PFKFB2: variants seen among roughly 807,000 people sequenced by gnomAD.
The protein encoded by PFKFB2 is 6-phosphofructo-2-kinase/fructose-2,6-biphosphatase 2, also known as 6-phosphofructo-2-kinase/fructose-2,6-bisphosphatase 2.
In PFKFB2, 53 loss-of-function variants were observed where a neutral mutation model predicts 68.0. The observed-to-expected ratio is 0.78, with a 90% CI of 0.63 to 0.98. PFKFB2 has a LOEUF of 0.98. Ranked by LOEUF, PFKFB2 falls within the 50% of genes least tolerant of loss-of-function variation. The pLI is 0.00. For missense variants in PFKFB2, 451 were observed against 642.0 expected, an observed-to-expected ratio of 0.70 and a Z score of 3.22; for synonymous variants, 222 against 227.6, an observed-to-expected ratio of 0.98 and a Z score of 0.22.
At chr1:207,051,216 C>T (rs1572711938), upstream of PFKFB2, 1 of 1,180,658 alleles carries the variant, frequency 8.5e-7, no homozygotes, top group Non-Finnish European at 1.1e-6. Flanking sequence ...AGTGAGGTGC[C>T]CTCCGCGTGG....
chr1:207,052,137 C>A, upstream of PFKFB2: 1 of 1,575,062 alleles, frequency 6.3e-7, no homozygotes, highest in Non-Finnish European at 8.7e-7. Flanking sequence ...ATCAAACGGG[C>A]CCGCTGGGGC....
chr1:207,070,504 C>T lies in PFKFB2; in HGVS notation c.1222+95C>T. The T allele has an allele frequency of 7.1e-7, 1 of 1,400,814 alleles. No individual in the cohort carries two copies. The highest frequency in any genetic ancestry group is 1.3e-5 in the South Asian group (1 of 76,326). 86.8% of individuals were successfully genotyped at this position (1,400,814 alleles called of 1,614,324 possible). ...TCCTGGGAAACAGACCTCCCTGTCTCCACTCAAATTAGAGTACTTTCTCCA... is the reference window on the plus strand; with the variant it reads ...TCCTGGGAAACAGACCTCCCTGTCTTCACTCAAATTAGAGTACTTTCTCCA... On this transcript the variant is annotated intron_variant, in intron 12 of 14. Coordinates refer to ENST00000367080, the MANE Select transcript of PFKFB2 (RefSeq NM_006212.2). This position sits in a 1 kb window ranked among gnomAD's most constrained non-coding sequence, Gnocchi z 4.2.
At chr1:207,040,796 G>T (rs969858272) in intron 1 of PFKFB2, among the ~76,000 whole-genome samples, 2 of 151,900 alleles carry the variant, frequency 1.3e-5, no homozygotes, top group African/African-American at 4.8e-5. Flanking sequence ...TACATGTCCT[G>T]CTTTGTAGCC....
In PFKFB2 at chr1:207,063,207, G is replaced by A. The variant is rs1482035051; in HGVS notation, c.373G>A (p.Ala125Thr). ...AYLTEENGQI[A>T]VFDATNTTRE... ...TCTCACTGAGGAGAATGGTCAGATT[G>A]CGGTAAGCTTTATCTGCTGCTTCTT... The change falls in exon 5 of 15, where the codon GCG becomes ACG. Residue 125 changes from alanine (A) to threonine (T), a missense_variant and splice_region_variant. Ala to Thr is a moderately conservative substitution (Grantham distance 58). Transcript: ENST00000367080. The surrounding 1 kb of genome is among the most constrained non-coding windows in gnomAD (Gnocchi z 4.1). The A allele has an allele frequency of 1.9e-6, 3 of 1,613,048 alleles. No individual in the cohort carries two copies. The African/African-American group carries it at 4.0e-5, about 22-fold the overall frequency.
intron 8 of PFKFB2, among the ~76,000 whole-genome samples, chr1:207,066,731 C>T (rs550231042): frequency 3.3e-5 from 5 of 152,236 alleles, no homozygotes; most frequent in African/African-American, 1.2e-4. Flanking sequence ...CGGCTCACTG[C>T]AACCTCCCCC....
intron 8 of PFKFB2, chr1:207,065,384 T>C: frequency 2.4e-6 from 2 of 836,942 alleles, no homozygotes; most frequent in Non-Finnish European, 2.9e-6. Context: ...AGGGTCTCAC[T>C]CTGTCACCCA....
At chr1:207,061,163 CTT>C (rs1558059679) in intron 2 of PFKFB2, among the ~76,000 whole-genome samples, 3 of 42,264 alleles carry the variant, frequency 7.1e-5, no homozygotes, top group African/African-American at 3.5e-4. Context: ...TTATATATAT[CTT>C]TATATATATA....
At chr1:207,064,253 C>G (rs2102353951) in intron 7 of PFKFB2, among the ~76,000 whole-genome samples, 1 of 152,048 alleles carries the variant, frequency 6.6e-6, no homozygotes, top group East Asian at 1.9e-4. Flanking sequence ...ATCACCTTAG[C>G]CTGGGAGGTT....
At chr1:207,035,266 C>G (rs1037950617) in intron 1 of PFKFB2, 3 of 901,498 alleles carry the variant, frequency 3.3e-6, no homozygotes, top group South Asian at 5.1e-5. Flanking sequence ...AACCTCCCCA[C>G]TTAGGCACCT....
At chr1:207,061,089 ATATATATC>A (rs1221750730) in intron 2 of PFKFB2, among the ~76,000 whole-genome samples, 2 of 119,292 alleles carry the variant, frequency 1.7e-5, no homozygotes, top group Non-Finnish European at 3.3e-5. Context: ...ATATATCTTT[ATATATATC>A]TTTATATATA....
chr1:207,068,898 C>T (rs1683384676), intron 10 of PFKFB2, among the ~76,000 whole-genome samples: 1 of 152,052 alleles, frequency 6.6e-6, no homozygotes, highest in Admixed American at 6.5e-5. Context: ...AGGCACCTGC[C>T]ACCACGCCTG....
At chr1:207,078,982 G>A, downstream of PFKFB2, 1 of 1,612,418 alleles carries the variant, frequency 6.2e-7, no homozygotes, top group Non-Finnish European at 8.5e-7. Context: ...GCTGTGCGCA[G>A]ACGCCCCTCC....
At chr1:207,065,230 T>G in intron 8 of PFKFB2, 70 bp downstream of exon 8, 1 of 1,582,826 alleles carries the variant, frequency 6.3e-7, no homozygotes, top group South Asian at 1.2e-5. Flanking sequence ...CCTTTCTCCC[T>G]GAGTTCTCTA....
At chr1:207,061,728 A>T (rs1406737263) in intron 2 of PFKFB2, among the ~76,000 whole-genome samples, 3 of 152,124 alleles carry the variant, frequency 2.0e-5, no homozygotes, top group African/African-American at 7.2e-5. Flanking sequence ...CTGAAAATAC[A>T]AAAATTAGCT....
At chr1:207,061,184 TATATATATATATATA>T (rs1683103501) in intron 2 of PFKFB2, among the ~76,000 whole-genome samples, 1 of 109,422 alleles carries the variant, frequency 9.1e-6, no homozygotes, top group Admixed American at 9.8e-5. Flanking sequence ...TATATATATA[TATATATATATATATA>T]TATTTTAAGA....
At chr1:207,061,705 A>G (rs1157505519) in intron 2 of PFKFB2, among the ~76,000 whole-genome samples, 4 of 152,114 alleles carry the variant, frequency 2.6e-5, no homozygotes. Context: ...AACATGGTGA[A>G]ACCCCATCTC....
chr1:207,071,471 C>G (rs556184006), intron 13 of PFKFB2, 38 bp from the exon 14 acceptor site: 1 of 1,560,470 alleles, frequency 6.4e-7, no homozygotes, highest in South Asian at 1.1e-5. Context: ...TCCATTGAAC[C>G]TTTTTCTTTA....
intron 2 of PFKFB2, among the ~76,000 whole-genome samples, chr1:207,060,330 A>C (rs12135736): frequency 0.1 from 15,828 of 152,276 alleles, 859 homozygotes; most frequent in Middle Eastern, 0.12. Flanking sequence ...GCAAATGAGC[A>C]TTCCTGAAGT....
At chr1:207,060,998 A>G (rs1160576906) in intron 2 of PFKFB2, 1 of 141,970 alleles carries the variant, frequency 7.0e-6, no homozygotes, top group Non-Finnish European at 1.5e-5. Flanking sequence ...ATATATATCT[A>G]TATCTTAAAT....
Sources: gnomAD v4.1 joint callset for allele counts (sites outside exome capture counted in the v4.1 genomes callset) on GRCh38, gnomAD v4.1.1 for gene constraint, Gnocchi (gnomAD v3.1) non-coding constraint, MANE v1.5 for transcripts, NCBI Gene and HGNC (gene_info 2026-07-23, HGNC 2026-07-21) for gene names.